NFIX: variants seen among roughly 807,000 people sequenced by gnomAD.
The protein encoded by NFIX is nuclear factor I X, also known as nuclear factor 1 X-type.
A neutral mutation model predicts 53.3 loss-of-function variants in NFIX; 2 were observed. That is an observed-to-expected ratio of 0.04 (90% confidence interval 0.02 to 0.12). NFIX has a LOEUF of 0.12. NFIX is among the 10% of genes least tolerant of loss of function. NFIX has a pLI of 1.00. For missense variants in NFIX, 310 were observed against 674.5 expected (o/e 0.46, Z 5.99); for synonymous variants, 244 against 289.0 (o/e 0.84, Z 1.58).
chr19:13,016,880 T>A (rs1430917999), intron 1 of NFIX, among the ~76,000 whole-genome samples: 1 of 152,050 alleles, frequency 6.6e-6, no homozygotes, highest in Non-Finnish European at 1.5e-5. Context: ...AGCTTCGCCC[T>A]CCATGGCCCT....
In NFIX at chr19:13,066,187, T is replaced by C. The variant is rs1378988384; in HGVS notation, c.560-6860T>C. Reference sequence around the variant, plus strand: ...GCTTCCCGAAGCCTTACTGCCGAGCTGTGAGTCCTGTAGTAGCCAGGCCTG... The same window carrying C: ...GCTTCCCGAAGCCTTACTGCCGAGCCGTGAGTCCTGTAGTAGCCAGGCCTG... On this transcript the variant is annotated intron_variant, in intron 2 of 10. Coordinates refer to ENST00000592199, the MANE Select transcript of NFIX (RefSeq NM_001365902.3). This position sits in a 1 kb window ranked among gnomAD's most constrained non-coding sequence, Gnocchi z 4.2. Among the ~76,000 whole-genome samples, 2 of 152,170 alleles carry C rather than the reference T, an allele frequency of 1.3e-5. No individual in the cohort carries two copies. Among genetic ancestry groups the C allele is most frequent in the East Asian group, 3.8e-4 (2 of 5,204 alleles).
In NFIX at chr19:13,051,915, T is replaced by G. The variant is rs562840095; in HGVS notation, c.560-21132T>G. On this transcript the variant is annotated intron_variant, in intron 2 of 10. Coordinates refer to ENST00000592199, the MANE Select transcript of NFIX (RefSeq NM_001365902.3). This position sits in a 1 kb window ranked among gnomAD's most constrained non-coding sequence, Gnocchi z 5.1. ...GGGAAGGCACTTCTTAGGCGCCGCCTCCTCCTCACAGCGCCCGCCTTCTCC... is the reference window on the plus strand; with the variant it reads ...GGGAAGGCACTTCTTAGGCGCCGCCGCCTCCTCACAGCGCCCGCCTTCTCC... Among the ~76,000 whole-genome samples the G allele has an allele frequency of 5.3e-5, 8 of 152,272 alleles. No homozygotes were observed. In the South Asian group the frequency reaches 1.0e-3, roughly 20 times the overall value.
chr19:13,077,094 G>C (rs1198802763), intron 6 of NFIX, among the ~76,000 whole-genome samples: 1 of 152,116 alleles, frequency 6.6e-6, no homozygotes, highest in Non-Finnish European at 1.5e-5. Flanking sequence ...GTCCCTGGCC[G>C]GGGCCTCAGT....
intron 5 of NFIX, among the ~76,000 whole-genome samples, chr19:13,074,786 T>C (rs1203082386): frequency 6.6e-6 from 1 of 151,050 alleles, no homozygotes; most frequent in African/African-American, 2.4e-5. Flanking sequence ...AATATGGGAC[T>C]AGGCCAGGCT....
chr19:13,042,747 T>A (rs2014725056), intron 2 of NFIX, among the ~76,000 whole-genome samples: 1 of 132,076 alleles, frequency 7.6e-6, no homozygotes, highest in Non-Finnish European at 1.6e-5. Context: ...ACTGAGGCCT[T>A]TGAGTTGTGT....
rs2012050896 is a variant in NFIX at position 13,006,956 on chromosome 19, G to C, written c.27+11092G>C. On this transcript the variant is annotated intron_variant, in intron 1 of 10. Transcript: ENST00000592199. This position sits in a 1 kb window ranked among gnomAD's most constrained non-coding sequence, Gnocchi z 5.6. ...CGAAGCTTGAGGTGGGGGTGGGGAA[G>C]TGCTGGGCGCCTCCAGGCCCCTGCT... 6.6e-6 allele frequency among the ~76,000 whole-genome samples: 1 copy of C among 152,208 alleles called. No homozygotes were observed. The highest frequency in any genetic ancestry group is 2.1e-4 in the South Asian group (1 of 4,834).
rs1248435791 is a variant in NFIX at position 13,011,479 on chromosome 19, T to C, written c.28-13542T>C. On this transcript the variant is annotated intron_variant, in intron 1 of 10. Coordinates refer to ENST00000592199, the MANE Select transcript of NFIX (RefSeq NM_001365902.3). The surrounding 1 kb of genome is among the most constrained non-coding windows in gnomAD (Gnocchi z 6.5). The stretch of plus-strand genomic sequence containing the variant: ...GCCCGGGCGGTGGAGGCGAGTTCCC[T>C]GCGCGCATCATGGACTTCAGGAGTG... Among the ~76,000 whole-genome samples, 6 of 142,962 alleles carry C rather than the reference T, an allele frequency of 4.2e-5. No homozygotes were observed. The highest frequency in any genetic ancestry group is 6.9e-5 in the Admixed American group (1 of 14,564). 93.8% of individuals were successfully genotyped at this position (142,962 alleles called of 152,430 possible). A position where few individuals can be genotyped will look rare whatever the true frequency, so the allele number is the denominator to read the frequency against.
intron 1 of NFIX, 135 bp from the exon 2 acceptor site, chr19:13,024,886 A>G: frequency 7.7e-7 from 1 of 1,290,522 alleles, no homozygotes; most frequent in South Asian, 1.3e-5. Context: ...GGGGGGAGGG[A>G]GGAGGAGGAG....
rs547249494 is a variant in NFIX at position 13,011,953 on chromosome 19, G to A, written c.28-13068G>A. ...CCCAGGCAGGAGGAGGGAAGGTCGTGTGCTTTCCATGTCGCGGGCAAAATG... is the reference window on the plus strand; with the variant it reads ...CCCAGGCAGGAGGAGGGAAGGTCGTATGCTTTCCATGTCGCGGGCAAAATG... On this transcript the variant is annotated intron_variant, in intron 1 of 10. Coordinates refer to ENST00000592199, the MANE Select transcript of NFIX (RefSeq NM_001365902.3). The surrounding 1 kb of genome is among the most constrained non-coding windows in gnomAD (Gnocchi z 6.5). Among the ~76,000 whole-genome samples the A allele has an allele frequency of 5.9e-5, 9 of 152,308 alleles. No homozygotes were observed. The highest frequency in any genetic ancestry group is 1.9e-4 in the East Asian group (1 of 5,176).
chr19:13,073,593 G>T lies in NFIX; in HGVS notation c.697+97G>T. 1 of 1,070,714 alleles carries T rather than the reference G, an allele frequency of 9.3e-7. No individual in the cohort carries two copies. Among genetic ancestry groups the T allele is most frequent in the Non-Finnish European group, 1.4e-6 (1 of 694,020 alleles). The allele number at this position is 1,070,714 out of a possible 1,614,324, so 66.3% of individuals were successfully genotyped here. A position where few individuals can be genotyped will look rare whatever the true frequency, so the allele number is the denominator to read the frequency against. On this transcript the variant is annotated intron_variant, in intron 4 of 10. Transcript: ENST00000592199. The surrounding 1 kb of genome is among the most constrained non-coding windows in gnomAD (Gnocchi z 4.5). ...TCCTAATGGGGTCTTAGGGCAGGTG[G>T]ATGGGAACAGATGCTTTCTGGGACA... is the stretch of plus-strand genomic sequence containing the variant.
In NFIX at chr19:13,022,135, C is replaced by T. The variant is rs940389935; in HGVS notation, c.28-2886C>T. On this transcript the variant is annotated intron_variant, in intron 1 of 10. Coordinates refer to ENST00000592199, the MANE Select transcript of NFIX (RefSeq NM_001365902.3). This position sits in a 1 kb window ranked among gnomAD's most constrained non-coding sequence, Gnocchi z 4.5. The stretch of plus-strand genomic sequence containing the variant: ...GCCTCTGCTCAGAGGTAGTGTCCAT[C>T]TTTTTGCCTTTGTCACTTCTCCCCG... Among the ~76,000 whole-genome samples, 1 of 152,162 alleles carries T rather than the reference C, an allele frequency of 6.6e-6. No individual in the cohort carries two copies. Among genetic ancestry groups the T allele is most frequent in the Non-Finnish European group, 1.5e-5 (1 of 68,036 alleles).
In NFIX at chr19:13,022,616, A is replaced by C. The variant is rs1379587818; in HGVS notation, c.28-2405A>C. Among the ~76,000 whole-genome samples the C allele has an allele frequency of 1.3e-5, 2 of 152,120 alleles. No homozygotes were observed. Among genetic ancestry groups the C allele is most frequent in the Admixed American group, 1.3e-4 (2 of 15,284 alleles). ...GAAGAAAAAAAAAAAGAAAGAAAGAAATAGAAACAGAAAAAGAGAGTGTGC... is the reference window on the plus strand; with the variant it reads ...GAAGAAAAAAAAAAAGAAAGAAAGACATAGAAACAGAAAAAGAGAGTGTGC... On this transcript the variant is annotated intron_variant, in intron 1 of 10. Coordinates refer to ENST00000592199, the MANE Select transcript of NFIX (RefSeq NM_001365902.3). This position sits in a 1 kb window ranked among gnomAD's most constrained non-coding sequence, Gnocchi z 4.5.
At chr19:13,000,194 A>G (rs2011628207) in intron 1 of NFIX, among the ~76,000 whole-genome samples, 1 of 152,206 alleles carries the variant, frequency 6.6e-6, no homozygotes, top group East Asian at 1.9e-4. Context: ...CCTGAAGCAC[A>G]GGATTTTCCT....
At chr19:13,091,236 GT>G (rs1180387001) in intron 10 of NFIX, among the ~76,000 whole-genome samples, 18 of 152,214 alleles carry the variant, frequency 1.2e-4, no homozygotes. Context: ...CCTTGGAGGT[GT>G]CCTCAGCCCG....
chr19:13,078,584 T>C lies in NFIX; in HGVS notation c.956-29T>C. The C allele has an allele frequency of 6.3e-7, 1 of 1,583,682 alleles. No individual in the cohort carries two copies. Among genetic ancestry groups the C allele is most frequent in the Non-Finnish European group, 8.6e-7 (1 of 1,164,324 alleles). ...GCACCCACCCCAGCCCAGCTAAACC[T>C]GCCCTGTGTTGCTGCTTCCTCCCCC... On this transcript the variant is annotated intron_variant, in intron 6 of 10. Transcript: ENST00000592199. This position sits in a 1 kb window ranked among gnomAD's most constrained non-coding sequence, Gnocchi z 4.7.
rs1360569822 is a variant in NFIX, at chr19:13,073,299, G to A, written c.623-123G>A. On this transcript the variant is annotated intron_variant, in intron 3 of 10. Transcript: ENST00000592199. The surrounding 1 kb of genome is among the most constrained non-coding windows in gnomAD (Gnocchi z 4.5). ...CCCCCCTGTTCGGTGTAGACCTGAG[G>A]GCTAGCCTGGAGCTGGAAACGGGAC... is the stretch of plus-strand genomic sequence containing the variant. The A allele has an allele frequency of 1.4e-5, 14 of 992,600 alleles. No homozygotes were observed. Among genetic ancestry groups the A allele is most frequent in the South Asian group, 5.2e-5 (4 of 77,232 alleles). The allele number at this position is 992,600 out of a possible 1,614,324, so 61.5% of individuals were successfully genotyped here.
In NFIX at chr19:13,018,941, C is replaced by T. The variant is rs544869268; in HGVS notation, c.28-6080C>T. ...TTTAATTTCCCATGTCCTTTCATAC[C>T]CAGGCTGCAGATATGCTTTATTAAA... On this transcript the variant is annotated intron_variant, in intron 1 of 10. Coordinates refer to ENST00000592199, the MANE Select transcript of NFIX (RefSeq NM_001365902.3). Among the ~76,000 whole-genome samples the T allele has an allele frequency of 1.1e-4, 16 of 152,268 alleles. No homozygotes were observed. The South Asian group carries it at 2.9e-3, about 28-fold the overall frequency.
rs1335984977 is a variant in NFIX, at chr19:13,060,747, C to T, written c.560-12300C>T. 6.6e-6 allele frequency among the ~76,000 whole-genome samples: 1 copy of T among 151,608 alleles called. No individual in the cohort carries two copies. The highest frequency in any genetic ancestry group is 1.5e-5 in the Non-Finnish European group (1 of 67,760). Reference sequence around the variant, plus strand: ...GGCCCTGTGAAGCGATCTGCACTGCCCAGGGTCAGGGGGATGGGGGGGTCG... The same window carrying T: ...GGCCCTGTGAAGCGATCTGCACTGCTCAGGGTCAGGGGGATGGGGGGGTCG... On this transcript the variant is annotated intron_variant, in intron 2 of 10. Coordinates refer to ENST00000592199, the MANE Select transcript of NFIX (RefSeq NM_001365902.3). The surrounding 1 kb of genome is among the most constrained non-coding windows in gnomAD (Gnocchi z 4.3).
At chr19:13,023,105 T>C (rs62109898) in intron 1 of NFIX, among the ~76,000 whole-genome samples, 1 of 150,476 alleles carries the variant, frequency 6.6e-6, no homozygotes, top group Non-Finnish European at 1.5e-5. Flanking sequence ...TCTGTCTCTT[T>C]CTCCCCCCAC....
Sources: gnomAD v4.1 joint callset for allele counts (sites outside exome capture counted in the v4.1 genomes callset) on GRCh38, gnomAD v4.1.1 for gene constraint, Gnocchi (gnomAD v3.1) non-coding constraint, MANE v1.5 for transcripts, NCBI Gene and HGNC (gene_info 2026-07-23, HGNC 2026-07-21) for gene names.